The following NXN variants were observed in gnomAD, a reference collection of about 807,000 sequenced individuals.
NXN encodes nucleoredoxin 1.
A neutral mutation model predicts 48.6 loss-of-function variants in NXN; 16 were observed. The ratio of observed to expected loss-of-function variants is 0.33; its 90% CI spans 0.22 to 0.50. The LOEUF (loss-of-function observed/expected upper bound fraction) is 0.50, where lower values mean the gene tolerates loss of function less well. Ranked by LOEUF, NXN falls within the 20% of genes least tolerant of loss-of-function variation. NXN has a pLI of 0.98. For missense variants in NXN, 492 were observed against 605.5 expected, an observed-to-expected ratio of 0.81 and a Z score of 1.97; for synonymous variants, 281 against 269.6, an observed-to-expected ratio of 1.04 and a Z score of -0.41.
intron 1 of NXN, among the ~76,000 whole-genome samples, chr17:914,539 C>T (rs1041681839): frequency 2.0e-5 from 3 of 150,860 alleles, no homozygotes; most frequent in Non-Finnish European, 4.4e-5. Flanking sequence ...AGGCAAACAC[C>T]GAGGTCTGTA....
chr17:873,672 A>C (rs1330370784), intron 1 of NXN, among the ~76,000 whole-genome samples: 2 of 152,086 alleles, frequency 1.3e-5, no homozygotes, highest in African/African-American at 4.8e-5. Context: ...AAGTTCTGGA[A>C]GCTTTGTGCA....
At chr17:809,295 C>T (rs1911773434) in intron 5 of NXN, among the ~76,000 whole-genome samples, 2 of 152,186 alleles carry the variant, frequency 1.3e-5, no homozygotes, top group Admixed American at 1.3e-4. Flanking sequence ...ATGAGTGGCG[C>T]CTACAGACCC....
intron 1 of NXN, among the ~76,000 whole-genome samples, chr17:973,285 T>C (rs2150643571): frequency 6.6e-6 from 1 of 152,234 alleles, no homozygotes; most frequent in East Asian, 1.9e-4. Context: ...AGAGGTGGCG[T>C]TTCTACAGCT....
At chr17:877,645 A>G (rs541470228) in intron 1 of NXN, among the ~76,000 whole-genome samples, 2 of 152,306 alleles carry the variant, frequency 1.3e-5, no homozygotes, top group South Asian at 4.1e-4. Flanking sequence ...TACTACTGGC[A>G]CATAGAGGAA....
chr17:803,913 C>T (rs551412217), intron 6 of NXN, 107 bp from the exon 7 acceptor site: 9 of 1,458,882 alleles, frequency 6.2e-6, no homozygotes, highest in South Asian at 3.6e-5. Flanking sequence ...CCCGCCTGAG[C>T]GGCCCCTGAA....
chr17:946,201 TCC>T (rs2069041748), intron 1 of NXN, among the ~76,000 whole-genome samples: 36 of 40,338 alleles, frequency 8.9e-4, no homozygotes, highest in Admixed American at 8.3e-3. Context: ...AGTGGCGCGA[TCC>T]CTGCTCACTG....
intron 1 of NXN, among the ~76,000 whole-genome samples, chr17:881,963 G>A (rs2068289180): frequency 6.6e-6 from 1 of 152,134 alleles, no homozygotes; most frequent in Admixed American, 6.5e-5. Flanking sequence ...CACCAGAGAG[G>A]CTCAGCAGGG....
In NXN at chr17:932,930, G is replaced by A. The variant is rs1480033696; in HGVS notation, c.360+46389C>T. 1.0e-4 allele frequency among the ~76,000 whole-genome samples: 15 copies of A among 145,298 alleles called. No individual in the cohort carries two copies. The highest frequency in any genetic ancestry group is 3.1e-5 in the Non-Finnish European group (2 of 64,492). Reference sequence around the variant, plus strand: ...CCCTCAGTACTGGGATTCCAGGCGTGAGCCACCGCGCCCAGCCCAGCCCGT... The same window carrying A: ...CCCTCAGTACTGGGATTCCAGGCGTAAGCCACCGCGCCCAGCCCAGCCCGT... On this transcript the variant is annotated intron_variant, in intron 1 of 7. Transcript: ENST00000336868. The surrounding 1 kb of genome is among the most constrained non-coding windows in gnomAD (Gnocchi z 4.1).
At chr17:803,987 G>A (rs941880091) in intron 6 of NXN, 181 bp from the exon 7 acceptor site, 49 of 718,208 alleles carry the variant, frequency 6.8e-5, no homozygotes, top group Non-Finnish European at 1.0e-4. Flanking sequence ...GTGTGCACAT[G>A]CGTCCCAGCA....
At chr17:943,383 A>C (rs1462953540) in intron 1 of NXN, among the ~76,000 whole-genome samples, 1 of 152,140 alleles carries the variant, frequency 6.6e-6, no homozygotes, top group Non-Finnish European at 1.5e-5. Flanking sequence ...TTCTAAGGTC[A>C]CAGAGGGAAG....
chr17:800,984 A>G lies in NXN; in HGVS notation c.1273T>C (p.Phe425Leu). Reference sequence around the variant, plus strand: ...TCCGGTTTGAGCTTCTCTGCTAGGAAGTCATTCACAAAGGCCTCCACGATG... The same window carrying G: ...TCCGGTTTGAGCTTCTCTGCTAGGAGGTCATTCACAAAGGCCTCCACGATG... ...PAIVEAFVNDFLAEKLKPEPI is the reference protein window; with the variant it reads ...PAIVEAFVNDLLAEKLKPEPI The change falls in exon 8 of 8, where the codon TTC becomes CTC. Residue 425 changes from phenylalanine (F) to leucine (L), a missense_variant. This residue lies in a region of NXN where 303 missense variants were observed against 388.3 expected (regional missense o/e 0.78). Coordinates refer to ENST00000336868, the MANE Select transcript of NXN (RefSeq NM_022463.5). 1 of 1,540,158 alleles carries G rather than the reference A, an allele frequency of 6.5e-7. No homozygotes were observed. The highest frequency in any genetic ancestry group is 8.8e-7 in the Non-Finnish European group (1 of 1,140,388).
intron 1 of NXN, among the ~76,000 whole-genome samples, chr17:947,116 T>G (rs1358022305): frequency 6.6e-6 from 1 of 152,118 alleles, no homozygotes; most frequent in African/African-American, 2.4e-5. Flanking sequence ...AGGCTTGTCA[T>G]GATCATGCAC....
chr17:954,895 CCT>C (rs1160237819), intron 1 of NXN, among the ~76,000 whole-genome samples: 1 of 152,218 alleles, frequency 6.6e-6, no homozygotes, highest in East Asian at 1.9e-4. Context: ...TGGTATTCCC[CCT>C]CTTAAGAGCT....
At chr17:812,020 C>T (rs965557881) in intron 5 of NXN, among the ~76,000 whole-genome samples, 9 of 146,676 alleles carry the variant, frequency 6.1e-5, no homozygotes, top group South Asian at 4.3e-4. Flanking sequence ...CTCCGTCTCC[C>T]GGGTTCACGC....
rs1245741574 is a variant in NXN, at chr17:824,185, G to T, written c.479-420C>A. Among the ~76,000 whole-genome samples the T allele has an allele frequency of 3.3e-5, 5 of 152,056 alleles. No individual in the cohort carries two copies. The South Asian group carries it at 6.2e-4, about 19-fold the overall frequency. On this transcript the variant is annotated intron_variant, in intron 2 of 7. Transcript: ENST00000336868. ...CTCCCAAGTAGCTGGGACTACAGGT[G>T]CCCGCCACCAGGCCCGGCTAATGTT...
At chr17:931,907 G>A (rs1036164711) in intron 1 of NXN, among the ~76,000 whole-genome samples, 3 of 148,542 alleles carry the variant, frequency 2.0e-5, no homozygotes, top group Admixed American at 1.3e-4. Context: ...ACTTTGGGAG[G>A]CCGAGGCGGG....
chr17:948,803 GCACGGCCT>G (rs1410247381), intron 1 of NXN, among the ~76,000 whole-genome samples: 3 of 138,482 alleles, frequency 2.2e-5, no homozygotes. Flanking sequence ...CAGGGCCAGG[GCACGGCCT>G]CCTCCTCTCC....
At chr17:860,341 C>A (rs1410774675) in intron 1 of NXN, among the ~76,000 whole-genome samples, 5 of 137,008 alleles carry the variant, frequency 3.6e-5, no homozygotes, top group African/African-American at 1.4e-4. Flanking sequence ...CCAGGCTGGT[C>A]TTGAACTCCT....
At chr17:858,031 C>T (rs952295058) in intron 1 of NXN, among the ~76,000 whole-genome samples, 3 of 147,876 alleles carry the variant, frequency 2.0e-5, no homozygotes, top group Non-Finnish European at 4.4e-5. Context: ...AGTGCAGTGG[C>T]GCAATCTTGG....
Sources: gnomAD v4.1 joint callset for allele counts (sites outside exome capture counted in the v4.1 genomes callset) on GRCh38, gnomAD v4.1.1 for gene constraint, gnomAD v4.1.1 regional missense constraint, Gnocchi (gnomAD v3.1) non-coding constraint, MANE v1.5 for transcripts, NCBI Gene and HGNC (gene_info 2026-07-23, HGNC 2026-07-21) for gene names.